Variants in PRELID2 observed in about 807,000 individuals in gnomAD.
PRELID2 encodes the protein PRELI domain-containing protein 2.
A neutral mutation model predicts 28.4 loss-of-function variants in PRELID2; 25 were observed. That is an observed-to-expected ratio of 0.88 (90% CI 0.64 to 1.23). The LOEUF (loss-of-function observed/expected upper bound fraction) is 1.23. PRELID2 is among the 50% of genes most tolerant of loss of function. The pLI is 0.00. For synonymous variants in PRELID2, 76 were observed against 71.6 expected, an observed-to-expected ratio of 1.06 and a Z score of -0.31; for missense variants, 201 against 214.4, an observed-to-expected ratio of 0.94 and a Z score of 0.39.
chr5:145,417,540 T>G, the PRELID2 span, among the ~76,000 whole-genome samples: 1 of 152,140 alleles, frequency 6.6e-6, no homozygotes, highest in Admixed American at 6.6e-5. Context: ...ATCAAAAAGC[T>G]TATCCACCAT....
At chr5:145,530,139 T>C (rs1158186909) in intron 1 of PRELID2, among the ~76,000 whole-genome samples, 1 of 152,114 alleles carries the variant, frequency 6.6e-6, no homozygotes, top group Admixed American at 6.6e-5. Flanking sequence ...ATACAGCAAG[T>C]GAGTAACTCA....
chr5:145,559,528 A>G (rs1211032278), intron 1 of PRELID2, among the ~76,000 whole-genome samples: 1 of 152,204 alleles, frequency 6.6e-6, no homozygotes, highest in Non-Finnish European at 1.5e-5. Flanking sequence ...ACACATGTAT[A>G]AACAAAATCT....
intron 1 of PRELID2, among the ~76,000 whole-genome samples, chr5:145,650,410 A>G (rs7707351): frequency 5.3e-5 from 8 of 151,538 alleles, no homozygotes; most frequent in African/African-American, 1.9e-4. Context: ...TTTTAAATGT[A>G]TCATTCCGCC....
chr5:145,671,138 G>A (rs1010975381), intron 1 of PRELID2, among the ~76,000 whole-genome samples: 12 of 152,098 alleles, frequency 7.9e-5, no homozygotes, highest in Non-Finnish European at 1.6e-4. Context: ...GTTCCTCTCA[G>A]AAAATTTGTC....
chr5:145,258,885 C>T, the PRELID2 span, among the ~76,000 whole-genome samples: 2 of 152,148 alleles, frequency 1.3e-5, no homozygotes, highest in African/African-American at 4.8e-5. Context: ...CCTCCTATCA[C>T]AGGCCCAGAG....
At chr5:145,466,678 C>A in the PRELID2 span, among the ~76,000 whole-genome samples, 1 of 152,092 alleles carries the variant, frequency 6.6e-6, no homozygotes. Flanking sequence ...TGTCCCTTGA[C>A]AAGCTGGGAC....
At chr5:145,664,850 G>T (rs1754558001) in intron 1 of PRELID2, among the ~76,000 whole-genome samples, 1 of 152,082 alleles carries the variant, frequency 6.6e-6, no homozygotes, top group South Asian at 2.1e-4. Context: ...ATGGTCCTGA[G>T]ATCCATATCT....
At chr5:145,362,816 C>T in the PRELID2 span, among the ~76,000 whole-genome samples, 2 of 152,032 alleles carry the variant, frequency 1.3e-5, no homozygotes, top group East Asian at 3.8e-4. Flanking sequence ...GTTTTGGCTG[C>T]CATGAAAGGA....
At chr5:145,811,186 C>G (rs550313764) in intron 4 of PRELID2, among the ~76,000 whole-genome samples, 1 of 141,906 alleles carries the variant, frequency 7.0e-6, no homozygotes, top group African/African-American at 2.6e-5. Flanking sequence ...ATCACAAGAA[C>G]AGCATGGGAA....
At chr5:145,575,230 A>G (rs1001240504) in intron 1 of PRELID2, among the ~76,000 whole-genome samples, 2 of 152,124 alleles carry the variant, frequency 1.3e-5, no homozygotes, top group Non-Finnish European at 2.9e-5. Context: ...CACTTTATTT[A>G]CTACCTGCTG....
chr5:145,293,277 C>A, the PRELID2 span, among the ~76,000 whole-genome samples: 1 of 152,082 alleles, frequency 6.6e-6, no homozygotes, highest in African/African-American at 2.4e-5. Flanking sequence ...AGTATTTAGA[C>A]AGATTTCTGG....
chr5:145,387,936 C>CAA, the PRELID2 span, among the ~76,000 whole-genome samples: 32 of 111,052 alleles, frequency 2.9e-4, no homozygotes, highest in East Asian at 7.4e-3. Context: ...AAGACAGAAC[C>CAA]AAAAAAAAAA....
chr5:145,560,689 C>A (rs2126692325), intron 1 of PRELID2, among the ~76,000 whole-genome samples: 1 of 152,314 alleles, frequency 6.6e-6, no homozygotes, highest in East Asian at 1.9e-4. Context: ...AAAAGTTATT[C>A]TAACTTCATT....
chr5:145,407,703 G>C, the PRELID2 span, among the ~76,000 whole-genome samples: 5 of 152,102 alleles, frequency 3.3e-5, no homozygotes, highest in African/African-American at 1.2e-4. Context: ...ACCAACTAAA[G>C]CCATTACAGC....
At chr5:145,735,759 C>T (rs972851573) in intron 1 of PRELID2, among the ~76,000 whole-genome samples, 3 of 152,138 alleles carry the variant, frequency 2.0e-5, no homozygotes, top group Non-Finnish European at 4.4e-5. Flanking sequence ...CTACCATCTT[C>T]ACACGGTTGC....
At chr5:145,567,091 TAATAAATAAC>T (rs1397388264) in intron 1 of PRELID2, among the ~76,000 whole-genome samples, 1 of 152,174 alleles carries the variant, frequency 6.6e-6, no homozygotes, top group Non-Finnish European at 1.5e-5. Context: ...ACAAGGAGGA[TAATAAATAAC>T]AATAAATAAA....
At chr5:145,230,491 A>C in the PRELID2 span, among the ~76,000 whole-genome samples, 1 of 152,108 alleles carries the variant, frequency 6.6e-6, no homozygotes. Context: ...AGACAGGAGA[A>C]TTGCTTGAAT....
chr5:145,250,148 A>C, the PRELID2 span, among the ~76,000 whole-genome samples: 1 of 152,098 alleles, frequency 6.6e-6, no homozygotes, highest in Non-Finnish European at 1.5e-5. Context: ...CAGGGGAGAA[A>C]CCATTACTCT....
intron 1 of PRELID2, among the ~76,000 whole-genome samples, chr5:145,502,074 G>A (rs1462562502): frequency 1.3e-5 from 2 of 152,086 alleles, no homozygotes; most frequent in Non-Finnish European, 2.9e-5. Context: ...AACTACCTGA[G>A]ACTGAGTAAT....
Sources: allele counts gnomAD v4.1 joint callset (sites outside exome capture counted in the v4.1 genomes callset), GRCh38; gene constraint gnomAD v4.1.1; transcripts MANE v1.5; gene names NCBI Gene and HGNC (gene_info 2026-07-23, HGNC 2026-07-21).